ZMIZ1: variants seen among roughly 807,000 people sequenced by gnomAD.
ZMIZ1 encodes the protein zinc finger MIZ-type containing 1.
In ZMIZ1, 17 loss-of-function variants were observed where a neutral mutation model predicts 113.9. That is an observed-to-expected ratio of 0.15 (90% CI 0.10 to 0.22). The LOEUF is 0.22. ZMIZ1 is among the 10% of genes least tolerant of loss of function. The pLI is 1.00. For missense variants in ZMIZ1, 1,059 were observed against 1,477.8 expected (o/e 0.72, Z 4.65); for synonymous variants, 607 against 603.1 (o/e 1.01, Z -0.09).
chr10:79,225,586 AAAAG>A (rs2132755178), intron 7 of ZMIZ1, among the ~76,000 whole-genome samples: 2 of 152,280 alleles, frequency 1.3e-5, no homozygotes, highest in African/African-American at 4.8e-5. Context: ...TTAATTAAAA[AAAAG>A]GGGAGGTAAA....
intron 1 of ZMIZ1, among the ~76,000 whole-genome samples, chr10:79,084,613 G>A (rs1319066123): frequency 6.6e-6 from 1 of 152,140 alleles, no homozygotes; most frequent in Non-Finnish European, 1.5e-5. Flanking sequence ...GCAGGTGTTG[G>A]GACTGCTTGA....
intron 2 of ZMIZ1, among the ~76,000 whole-genome samples, chr10:79,130,520 G>A (rs1025100807): frequency 2.0e-5 from 3 of 152,186 alleles, no homozygotes; most frequent in East Asian, 1.9e-4. Context: ...GCTGCCATGC[G>A]GTTGCCCAGT....
At chr10:79,121,168 T>C (rs1002865807) in intron 2 of ZMIZ1, among the ~76,000 whole-genome samples, 2 of 152,232 alleles carry the variant, frequency 1.3e-5, no homozygotes, top group African/African-American at 4.8e-5. Context: ...TGAACATTTA[T>C]GCTCTTTTCT....
chr10:79,135,827 T>C (rs1008625361), intron 2 of ZMIZ1, among the ~76,000 whole-genome samples: 1 of 152,078 alleles, frequency 6.6e-6, no homozygotes, highest in Non-Finnish European at 1.5e-5. Context: ...GTGCAAAGTG[T>C]CCCTCAAAGG....
At chr10:79,285,565 G>A (rs1255917778) in intron 8 of ZMIZ1, 1 of 455,982 alleles carries the variant, frequency 2.2e-6, no homozygotes, top group Non-Finnish European at 4.4e-6. Context: ...CACTGTGTAG[G>A]TGGTCGGTCA....
At chr10:79,164,284 G>A (rs1301725266) in intron 4 of ZMIZ1, among the ~76,000 whole-genome samples, 1 of 152,194 alleles carries the variant, frequency 6.6e-6, no homozygotes, top group Non-Finnish European at 1.5e-5. Flanking sequence ...ACTCAGCTTT[G>A]CCACCTGTAA....
intron 7 of ZMIZ1, among the ~76,000 whole-genome samples, chr10:79,255,536 C>T (rs1334318356): frequency 6.6e-6 from 1 of 152,128 alleles, no homozygotes; most frequent in African/African-American, 2.4e-5. Flanking sequence ...TGTCTTGAGC[C>T]CGGGCATTCA....
intron 1 of ZMIZ1, among the ~76,000 whole-genome samples, chr10:79,097,990 G>A (rs914158106): frequency 6.6e-6 from 1 of 152,220 alleles, no homozygotes; most frequent in African/African-American, 2.4e-5. Flanking sequence ...CACTCTCCAA[G>A]CATTGATTGA....
chr10:79,297,277 T>C (rs1853961818), intron 13 of ZMIZ1, among the ~76,000 whole-genome samples: 1 of 152,226 alleles, frequency 6.6e-6, no homozygotes, highest in South Asian at 2.1e-4. Context: ...TTCTTGGGAG[T>C]AAAGAAGACA....
At chr10:79,100,581 A>G (rs957462655) in intron 1 of ZMIZ1, among the ~76,000 whole-genome samples, 1 of 152,190 alleles carries the variant, frequency 6.6e-6, no homozygotes, top group Non-Finnish European at 1.5e-5. Context: ...CAGGGTCAAC[A>G]AGGAAACATT....
chr10:79,159,973 G>A (rs2132486446), intron 3 of ZMIZ1, among the ~76,000 whole-genome samples: 1 of 152,374 alleles, frequency 6.6e-6, no homozygotes, highest in Admixed American at 6.5e-5. Flanking sequence ...CCTGGCCGAT[G>A]CTCACTGGGG....
chr10:79,154,432 CAGAGTGGGCAGAGGCA>C lies in ZMIZ1; in HGVS notation c.-130-7616_-130-7601del, dbSNP rs534635751. 4.2e-3 allele frequency among the ~76,000 whole-genome samples: 635 copies of C among 152,278 alleles called. 8 individuals carry two copies. The highest frequency in any genetic ancestry group is 0.015 in the African/African-American group (610 of 41,562). ...ATAGGGCCAGGTGGTTGGCACCAAG[CAGAGTGGGCAGAGGCA>C]AGAGGCAAAACTTCTAAGAGAGGCC... is the stretch of plus-strand genomic sequence containing the variant. On this transcript the variant is annotated intron_variant, in intron 3 of 24. Transcript: ENST00000334512.
At chr10:79,128,639 G>C (rs1844621778) in intron 2 of ZMIZ1, among the ~76,000 whole-genome samples, 1 of 152,144 alleles carries the variant, frequency 6.6e-6, no homozygotes, top group African/African-American at 2.4e-5. Context: ...GATTGGACCA[G>C]AAGGGGAAGG....
At chr10:79,216,060 TG>T in intron 6 of ZMIZ1, 108 bp from the exon 7 acceptor site, 1 of 607,514 alleles carries the variant, frequency 1.6e-6, no homozygotes, top group Non-Finnish European at 2.6e-6. Context: ...TGCCTAATGA[TG>T]GGGCACTGCC....
At chr10:79,261,147 C>G (rs1159993852) in intron 7 of ZMIZ1, among the ~76,000 whole-genome samples, 3 of 152,216 alleles carry the variant, frequency 2.0e-5, no homozygotes, top group Non-Finnish European at 4.4e-5. Flanking sequence ...GACCCCCAGG[C>G]TGAGCGTCAT....
At chr10:79,244,404 C>A (rs1393994668) in intron 7 of ZMIZ1, among the ~76,000 whole-genome samples, 3 of 152,210 alleles carry the variant, frequency 2.0e-5, no homozygotes, top group Non-Finnish European at 2.9e-5. Flanking sequence ...AGGAGGCTGC[C>A]TGGGGTCCTG....
chr10:79,312,619 C>T, intron 24 of ZMIZ1, 23 bp from the exon 25 acceptor site: 2 of 1,612,812 alleles, frequency 1.2e-6, no homozygotes, highest in Non-Finnish European at 1.7e-6. Flanking sequence ...CTCATCTGAA[C>T]TTCATTACTC....
chr10:79,278,638 C>T (rs535219783), intron 8 of ZMIZ1, among the ~76,000 whole-genome samples: 3 of 151,626 alleles, frequency 2.0e-5, no homozygotes, highest in African/African-American at 7.2e-5. Context: ...GTGGTGATGA[C>T]TCTTAACGAG....
intron 7 of ZMIZ1, among the ~76,000 whole-genome samples, chr10:79,217,737 C>T (rs1191942296): frequency 1.3e-5 from 2 of 152,102 alleles, no homozygotes; most frequent in African/African-American, 2.4e-5. Flanking sequence ...ACATGGATGG[C>T]GCTGCACACA....
Sources: allele counts gnomAD v4.1 joint callset (sites outside exome capture counted in the v4.1 genomes callset), GRCh38; gene constraint gnomAD v4.1.1; transcripts MANE v1.5; gene names NCBI Gene and HGNC (gene_info 2026-07-23, HGNC 2026-07-21).